The following LRRC7 variants were observed in gnomAD, a reference collection of about 807,000 sequenced individuals.
The protein encoded by LRRC7 is leucine-rich repeat-containing protein 7.
Under a neutral mutation model 175.7 loss-of-function variants are expected in LRRC7, and 23 were observed. That is an observed-to-expected ratio of 0.13 (90% CI 0.09 to 0.19). The LOEUF is 0.19. LRRC7 is among the 10% of genes least tolerant of loss of function. The pLI, the probability that LRRC7 is intolerant of heterozygous loss-of-function variation, is 1.00. For synonymous variants in LRRC7, 685 were observed against 680.9 expected (o/e 1.01, Z -0.09); for missense variants, 1,354 against 1,904.7 (o/e 0.71, Z 5.38).
intron 24 of LRRC7, among the ~76,000 whole-genome samples, chr1:70,079,226 G>A (rs998050907): frequency 6.6e-6 from 1 of 152,146 alleles, no homozygotes; most frequent in African/African-American, 2.4e-5. Flanking sequence ...ATGGAGTAGT[G>A]ATTTAAGTGC....
intron 3 of LRRC7, among the ~76,000 whole-genome samples, chr1:69,791,582 TC>T (rs2101059906): frequency 6.6e-6 from 1 of 152,152 alleles, no homozygotes; most frequent in African/African-American, 2.4e-5. Flanking sequence ...ACTCAAGTAT[TC>T]CAGTTTATTG....
intron 7 of LRRC7, among the ~76,000 whole-genome samples, chr1:69,903,118 G>A (rs1382574999): frequency 6.6e-6 from 1 of 152,168 alleles, no homozygotes; most frequent in Non-Finnish European, 1.5e-5. Context: ...TTCCTGGTCA[G>A]GGCCAATCAG....
intron 1 of LRRC7, among the ~76,000 whole-genome samples, chr1:69,623,879 G>T (rs1171244864): frequency 6.6e-6 from 1 of 152,094 alleles, no homozygotes; most frequent in Non-Finnish European, 1.5e-5. Context: ...GTTCATTTTT[G>T]TATAGCTTCT....
chr1:69,949,376 A>C (rs954308027), intron 8 of LRRC7, among the ~76,000 whole-genome samples: 1 of 152,142 alleles, frequency 6.6e-6, no homozygotes, highest in African/African-American at 2.4e-5. Context: ...GTTTGTGACC[A>C]GTCTGACCAA....
At chr1:70,057,009 A>T (rs1475719819) in intron 23 of LRRC7, among the ~76,000 whole-genome samples, 1 of 151,702 alleles carries the variant, frequency 6.6e-6, no homozygotes, top group Non-Finnish European at 1.5e-5. Flanking sequence ...TTGGGGGGGG[A>T]ATCCATAGGA....
chr1:69,661,873 G>C (rs143026245), intron 1 of LRRC7, among the ~76,000 whole-genome samples: 1 of 152,244 alleles, frequency 6.6e-6, no homozygotes, highest in South Asian at 2.1e-4. Context: ...AGGAAGGAAA[G>C]CATGCTTTTC....
At chr1:69,681,505 A>C (rs1640466654) in intron 2 of LRRC7, among the ~76,000 whole-genome samples, 1 of 152,182 alleles carries the variant, frequency 6.6e-6, no homozygotes, top group Non-Finnish European at 1.5e-5. Flanking sequence ...ATAGACGTAG[A>C]TCTAAGTTAT....
intron 7 of LRRC7, among the ~76,000 whole-genome samples, chr1:69,916,551 G>T: frequency 6.6e-6 from 1 of 151,628 alleles, no homozygotes; most frequent in East Asian, 1.9e-4. Context: ...ATTAAAATAG[G>T]CCTGTCAGGA....
chr1:69,941,134 G>A (rs1648666858), intron 8 of LRRC7, among the ~76,000 whole-genome samples: 1 of 152,088 alleles, frequency 6.6e-6, no homozygotes, highest in African/African-American at 2.4e-5. Context: ...AGCCTGACCT[G>A]TGGACAGCAA....
At chr1:70,113,086 T>C (rs1272686996) in intron 26 of LRRC7, among the ~76,000 whole-genome samples, 3 of 152,058 alleles carry the variant, frequency 2.0e-5, no homozygotes, top group Non-Finnish European at 4.4e-5. Context: ...AGGCTCAGAA[T>C]GGGAGAGGTA....
At chr1:70,013,686 C>T (rs1348225445) in intron 13 of LRRC7, among the ~76,000 whole-genome samples, 2 of 151,796 alleles carry the variant, frequency 1.3e-5, no homozygotes, top group African/African-American at 4.8e-5. Flanking sequence ...TTTGTTTCCA[C>T]CTACTCTATA....
At chr1:69,748,325 G>T (rs1017080285) in intron 2 of LRRC7, among the ~76,000 whole-genome samples, 6 of 152,068 alleles carry the variant, frequency 3.9e-5, no homozygotes, top group Admixed American at 3.3e-4. Context: ...GAAAAGATGG[G>T]TCTCTTATCA....
intron 1 of LRRC7, among the ~76,000 whole-genome samples, chr1:69,632,908 A>T (rs1279113582): frequency 6.6e-6 from 1 of 152,166 alleles, no homozygotes; most frequent in African/African-American, 2.4e-5. Flanking sequence ...AGAGTTAAGT[A>T]GAGCATTTCT....
intron 1 of LRRC7, among the ~76,000 whole-genome samples, chr1:69,671,389 C>G (rs1252472742): frequency 6.6e-6 from 1 of 152,100 alleles, no homozygotes; most frequent in Non-Finnish European, 1.5e-5. Context: ...AGTTTTCTTA[C>G]TCTTTTCTTT....
intron 2 of LRRC7, among the ~76,000 whole-genome samples, chr1:69,719,018 G>A (rs1292772150): frequency 6.6e-6 from 1 of 151,670 alleles, no homozygotes; most frequent in Non-Finnish European, 1.5e-5. Flanking sequence ...TTATCTATGG[G>A]TAGTTTTATT....
intron 7 of LRRC7, among the ~76,000 whole-genome samples, chr1:69,869,655 T>C: frequency 6.6e-6 from 1 of 152,044 alleles, no homozygotes. Context: ...CCAACATTTA[T>C]GGGACAGGCA....
At chr1:69,974,056 G>A (rs1250748630) in intron 8 of LRRC7, among the ~76,000 whole-genome samples, 1 of 152,092 alleles carries the variant, frequency 6.6e-6, no homozygotes, top group Admixed American at 6.5e-5. Context: ...TGAAATGCAT[G>A]TATATGTATT....
intron 7 of LRRC7, among the ~76,000 whole-genome samples, chr1:69,924,267 G>T (rs1313345954): frequency 1.3e-5 from 2 of 152,036 alleles, no homozygotes; most frequent in Non-Finnish European, 2.9e-5. Context: ...TTTGGCTTAG[G>T]ATTGCCTTGG....
intron 4 of LRRC7, among the ~76,000 whole-genome samples, chr1:69,825,281 T>A (rs1452669287): frequency 6.6e-6 from 1 of 152,184 alleles, no homozygotes; most frequent in African/African-American, 2.4e-5. Flanking sequence ...CAGTTTTGGG[T>A]GTATTCCTAA....
Sources: gnomAD v4.1 joint callset for allele counts (sites outside exome capture counted in the v4.1 genomes callset) on GRCh38, gnomAD v4.1.1 for gene constraint, MANE v1.5 for transcripts, NCBI Gene and HGNC (gene_info 2026-07-23, HGNC 2026-07-21) for gene names.